The following THSD7B variants were observed in gnomAD, a reference collection of about 807,000 sequenced individuals.
THSD7B encodes the protein thrombospondin type-1 domain-containing protein 7B.
Under a neutral mutation model 213.6 loss-of-function variants are expected in THSD7B, and 138 were observed. The ratio of observed to expected loss-of-function variants is 0.65; its 90% confidence interval spans 0.56 to 0.74. The LOEUF is 0.74. Ranked by LOEUF, THSD7B falls within the 30% of genes least tolerant of loss-of-function variation. The pLI is 0.00. For synonymous variants in THSD7B, 742 were observed against 687.0 expected, an observed-to-expected ratio of 1.08 and a Z score of -1.25; for missense variants, 1,931 against 1,991.5, an observed-to-expected ratio of 0.97 and a Z score of 0.58.
intron 15 of THSD7B, among the ~76,000 whole-genome samples, chr2:137,561,105 G>C (rs939451647): frequency 6.6e-6 from 1 of 152,126 alleles, no homozygotes; most frequent in East Asian, 1.9e-4. Context: ...TACTCAAGAA[G>C]GTATCTCCAC....
At chr2:136,990,806 C>A (rs1685765100) in intron 2 of THSD7B, 2 of 1,076,616 alleles carry the variant, frequency 1.9e-6, no homozygotes, top group Non-Finnish European at 2.6e-6. Flanking sequence ...CGCCACAGTG[C>A]CTGGCCGATG....
intron 15 of THSD7B, among the ~76,000 whole-genome samples, chr2:137,481,412 A>C (rs1688304358): frequency 6.6e-6 from 1 of 152,242 alleles, no homozygotes; most frequent in South Asian, 2.1e-4. Context: ...GTTATTAGTT[A>C]GACACTTTCC....
rs550972099 is a variant in THSD7B at position 137,163,213 on chromosome 2, T to C, written c.1525+2845T>C. Among the ~76,000 whole-genome samples the C allele has an allele frequency of 2.0e-4, 31 of 152,316 alleles. 1 individual carries two copies. Among genetic ancestry groups the C allele is most frequent in the African/African-American group, 7.0e-4 (29 of 41,584 alleles). On this transcript the variant is annotated intron_variant, in intron 6 of 27. Transcript: ENST00000409968. ...AAAGTCAACCTGTGCAGATATACCC[T>C]GGTCCATCATTCATAAGACACCACT...
chr2:136,953,551 C>T (rs1165282586), intron 2 of THSD7B, among the ~76,000 whole-genome samples: 1 of 152,020 alleles, frequency 6.6e-6, no homozygotes, highest in Non-Finnish European at 1.5e-5. Flanking sequence ...CCGATTATGC[C>T]ACTTATGTAC....
intron 1 of THSD7B, among the ~76,000 whole-genome samples, chr2:136,806,184 A>T (rs1375365896): frequency 6.6e-6 from 1 of 152,128 alleles, no homozygotes; most frequent in Non-Finnish European, 1.5e-5. Context: ...TGTGGATAAA[A>T]TTTTTTTATC....
intron 20 of THSD7B, among the ~76,000 whole-genome samples, chr2:137,642,003 T>C (rs1379940005): frequency 6.6e-6 from 1 of 152,160 alleles, no homozygotes; most frequent in African/African-American, 2.4e-5. Context: ...TCATGTTTAT[T>C]ATGCTCATGC....
chr2:137,402,815 CAAA>C (rs34623127), intron 12 of THSD7B, among the ~76,000 whole-genome samples: 153 of 83,166 alleles, frequency 1.8e-3, no homozygotes, highest in African/African-American at 5.9e-3. Context: ...AACTCCATCT[CAAA>C]AAAAAAAAAA....
At chr2:136,767,816 G>A (rs1164674567) in intron 1 of THSD7B, among the ~76,000 whole-genome samples, 1 of 152,134 alleles carries the variant, frequency 6.6e-6, no homozygotes, top group East Asian at 1.9e-4. Context: ...TTGATAGTCT[G>A]TTTTGAGGGT....
At chr2:136,788,121 C>T (rs754068555) in intron 1 of THSD7B, among the ~76,000 whole-genome samples, 6 of 152,178 alleles carry the variant, frequency 3.9e-5, no homozygotes, top group South Asian at 2.1e-4. Context: ...TGTTCAGCTA[C>T]GCATAGTTGA....
At chr2:137,365,480 A>G (rs1685386194) in intron 12 of THSD7B, among the ~76,000 whole-genome samples, 2 of 152,152 alleles carry the variant, frequency 1.3e-5, no homozygotes, top group Non-Finnish European at 1.5e-5. Context: ...GAAAATTTTC[A>G]CAATCTACCC....
intron 12 of THSD7B, among the ~76,000 whole-genome samples, chr2:137,324,981 G>T (rs1206080164): frequency 6.6e-6 from 1 of 152,160 alleles, no homozygotes; most frequent in Non-Finnish European, 1.5e-5. Flanking sequence ...GCATTCAACT[G>T]GTTGTTCAGT....
intron 14 of THSD7B, among the ~76,000 whole-genome samples, chr2:137,423,135 A>G (rs1359797405): frequency 6.6e-6 from 1 of 152,060 alleles, no homozygotes; most frequent in African/African-American, 2.4e-5. Flanking sequence ...TTTTTCTTCA[A>G]AAACAAAAGC....
intron 1 of THSD7B, among the ~76,000 whole-genome samples, chr2:136,796,715 T>C (rs992010090): frequency 6.6e-6 from 1 of 151,982 alleles, no homozygotes; most frequent in South Asian, 2.1e-4. Flanking sequence ...AATATTTGTT[T>C]AGGTTTGGAA....
At chr2:137,047,619 T>A (rs1374289560) in intron 2 of THSD7B, among the ~76,000 whole-genome samples, 3 of 152,146 alleles carry the variant, frequency 2.0e-5, no homozygotes, top group Non-Finnish European at 4.4e-5. Context: ...CTTGTTCCAG[T>A]GGCCATCTCA....
chr2:136,963,745 G>C (rs1251208020), intron 2 of THSD7B, among the ~76,000 whole-genome samples: 1 of 152,230 alleles, frequency 6.6e-6, no homozygotes, highest in East Asian at 1.9e-4. Flanking sequence ...GAGGAGTTTT[G>C]AGGGTGTCTC....
intron 6 of THSD7B, among the ~76,000 whole-genome samples, chr2:137,166,124 T>C (rs987310969): frequency 6.6e-6 from 1 of 152,072 alleles, no homozygotes; most frequent in Non-Finnish European, 1.5e-5. Flanking sequence ...CATTAGAAAA[T>C]CAGCCAGTGT....
chr2:137,141,906 G>T (rs1016499333), intron 5 of THSD7B, among the ~76,000 whole-genome samples: 3 of 151,978 alleles, frequency 2.0e-5, no homozygotes. Flanking sequence ...TCATGTAGTA[G>T]ATACAATGAA....
chr2:137,016,567 G>T (rs1210482991), intron 2 of THSD7B, among the ~76,000 whole-genome samples: 2 of 152,130 alleles, frequency 1.3e-5, no homozygotes, highest in African/African-American at 4.8e-5. Flanking sequence ...CAGAGAAAGA[G>T]GCACACTGTA....
At chr2:137,585,570 T>G (rs898903595) in intron 17 of THSD7B, among the ~76,000 whole-genome samples, 25 of 152,176 alleles carry the variant, frequency 1.6e-4, no homozygotes, top group African/African-American at 6.0e-4. Context: ...AAGAACATCT[T>G]TATTTCTGCC....
Sources: gnomAD v4.1 joint callset for allele counts (sites outside exome capture counted in the v4.1 genomes callset) on GRCh38, gnomAD v4.1.1 for gene constraint, MANE v1.5 for transcripts, NCBI Gene and HGNC (gene_info 2026-07-23, HGNC 2026-07-21) for gene names.